Variants in EYS observed in about 807,000 individuals in gnomAD.
The protein encoded by EYS is protein eyes shut homolog.
In EYS, 250 loss-of-function variants were observed where a neutral mutation model predicts 282.1. The observed-to-expected ratio is 0.89, with a 90% CI of 0.80 to 0.98. The LOEUF (loss-of-function observed/expected upper bound fraction) is 0.98, where lower values mean the gene tolerates loss of function less well. EYS is among the 50% of genes least tolerant of loss of function. The pLI is 0.00. For synonymous variants in EYS, 1,355 were observed against 1,282.9 expected, an observed-to-expected ratio of 1.06 and a Z score of -1.20; for missense variants, 4,016 against 3,709.0, an observed-to-expected ratio of 1.08 and a Z score of -2.15.
chr6:64,252,430 C>T (rs896724728), intron 30 of EYS, among the ~76,000 whole-genome samples: 6 of 152,120 alleles, frequency 3.9e-5, no homozygotes, highest in African/African-American at 1.4e-4. Context: ...TGAAAACAAT[C>T]CAATTGGCTT....
At chr6:65,283,607 C>T (rs911636026) in intron 12 of EYS, among the ~76,000 whole-genome samples, 1 of 151,716 alleles carries the variant, frequency 6.6e-6, no homozygotes. Context: ...TTTTACTATG[C>T]CAATAGTAAA....
chr6:65,027,139 G>C (rs2150141702), intron 13 of EYS, among the ~76,000 whole-genome samples: 1 of 151,884 alleles, frequency 6.6e-6, no homozygotes, highest in African/African-American at 2.4e-5. Context: ...ACCTCAGTAA[G>C]AAACAAATTT....
intron 33 of EYS, among the ~76,000 whole-genome samples, chr6:64,017,000 A>G (rs1257813449): frequency 6.6e-6 from 1 of 151,486 alleles, no homozygotes; most frequent in African/African-American, 2.4e-5. Context: ...CTTTCCATCA[A>G]TTGCACTCCG....
chr6:64,767,896 C>G (rs1161281670), intron 22 of EYS, among the ~76,000 whole-genome samples: 2 of 152,088 alleles, frequency 1.3e-5, no homozygotes, highest in African/African-American at 4.8e-5. Context: ...TTTACATTTC[C>G]ATGAGTGGTG....
At chr6:65,439,424 T>C (rs1768214391) in intron 5 of EYS, among the ~76,000 whole-genome samples, 1 of 152,170 alleles carries the variant, frequency 6.6e-6, no homozygotes, top group African/African-American at 2.4e-5. Flanking sequence ...ATTGAGTCTT[T>C]AAATTACCTT....
At chr6:64,945,393 C>G (rs1769253675) in intron 15 of EYS, among the ~76,000 whole-genome samples, 3 of 151,718 alleles carry the variant, frequency 2.0e-5, no homozygotes, top group African/African-American at 7.3e-5. Context: ...TAAAATAATC[C>G]AAAATCACAA....
chr6:65,346,670 C>CT (rs1276981269), intron 9 of EYS, among the ~76,000 whole-genome samples: 1 of 151,590 alleles, frequency 6.6e-6, no homozygotes, highest in Non-Finnish European at 1.5e-5. Flanking sequence ...GGAAAAAGGA[C>CT]TTTTTAGGGG....
intron 2 of EYS, among the ~76,000 whole-genome samples, chr6:65,611,301 A>G (rs546687019): frequency 9.0e-4 from 137 of 152,078 alleles, no homozygotes; most frequent in Non-Finnish European, 1.8e-3. Flanking sequence ...GTATAATTGC[A>G]ATTTAAAACT....
intron 26 of EYS, among the ~76,000 whole-genome samples, chr6:64,539,963 T>A (rs781449894): frequency 3.3e-5 from 5 of 152,174 alleles, no homozygotes; most frequent in Non-Finnish European, 5.9e-5. Context: ...CTGAAATACC[T>A]TTTGTGATAT....
chr6:65,192,327 G>A (rs576558482), intron 12 of EYS, among the ~76,000 whole-genome samples: 1 of 139,518 alleles, frequency 7.2e-6, no homozygotes, highest in Non-Finnish European at 1.6e-5. Flanking sequence ...GTGTGTGTGT[G>A]TATAATGTGT....
chr6:65,362,220 G>A (rs910895044), intron 8 of EYS, among the ~76,000 whole-genome samples: 3 of 152,040 alleles, frequency 2.0e-5, no homozygotes, highest in Non-Finnish European at 1.5e-5. Flanking sequence ...TTTATTGTAA[G>A]TATGCTCTGG....
intron 31 of EYS, among the ~76,000 whole-genome samples, chr6:64,133,476 TCACACACACACACACACACA>T (rs61088369): frequency 2.1e-5 from 3 of 142,354 alleles, no homozygotes; most frequent in African/African-American, 7.7e-5. Flanking sequence ...TTGCATTACT[TCACACACACACACACACACA>T]CACACACACA....
intron 33 of EYS, among the ~76,000 whole-genome samples, chr6:64,004,168 T>C (rs1184422419): frequency 6.6e-6 from 1 of 152,198 alleles, no homozygotes; most frequent in African/African-American, 2.4e-5. Flanking sequence ...CTTATTTTTT[T>C]CTGTCTGACA....
chr6:64,541,398 G>C (rs1261125207), intron 26 of EYS, among the ~76,000 whole-genome samples: 1 of 152,142 alleles, frequency 6.6e-6, no homozygotes, highest in Non-Finnish European at 1.5e-5. Context: ...ATAATCTTGA[G>C]ATTTTTCTAA....
At chr6:65,326,262 C>T (rs1346936227) in intron 11 of EYS, among the ~76,000 whole-genome samples, 5 of 151,728 alleles carry the variant, frequency 3.3e-5, no homozygotes, top group African/African-American at 1.2e-4. Flanking sequence ...TTAAGATATA[C>T]AAATATTCAC....
At chr6:64,383,330 T>G (rs184838120) in intron 29 of EYS, among the ~76,000 whole-genome samples, 1 of 151,998 alleles carries the variant, frequency 6.6e-6, no homozygotes, top group East Asian at 1.9e-4. Flanking sequence ...AAAAATAAGG[T>G]GGGTCCTCAT....
chr6:64,942,720 T>A (rs1463991979), intron 15 of EYS, among the ~76,000 whole-genome samples: 4 of 139,348 alleles, frequency 2.9e-5, no homozygotes, highest in African/African-American at 8.3e-5. Flanking sequence ...TCAGTAATTT[T>A]AAAAAAACAA....
chr6:65,088,158 A>G (rs1441419208), intron 12 of EYS, among the ~76,000 whole-genome samples: 1 of 152,180 alleles, frequency 6.6e-6, no homozygotes, highest in Non-Finnish European at 1.5e-5. Context: ...AGTCTCAAGT[A>G]TTTCTTCACA....
chr6:64,689,398 A>C (rs1251420934), intron 22 of EYS, among the ~76,000 whole-genome samples: 1 of 152,144 alleles, frequency 6.6e-6, no homozygotes, highest in African/African-American at 2.4e-5. Context: ...CATACTGCCC[A>C]AGGTAATTTA....
Sources: gnomAD v4.1 joint callset for allele counts (sites outside exome capture counted in the v4.1 genomes callset) on GRCh38, gnomAD v4.1.1 for gene constraint, MANE v1.5 for transcripts, NCBI Gene and HGNC (gene_info 2026-07-23, HGNC 2026-07-21) for gene names.